The following PPP2R2D variants were observed in gnomAD, a reference collection of about 807,000 sequenced individuals.
PPP2R2D encodes protein phosphatase 2 regulatory subunit Bdelta.
A neutral mutation model predicts 31.1 loss-of-function variants in PPP2R2D; 9 were observed. The observed-to-expected ratio is 0.29, with a 90% confidence interval of 0.17 to 0.51. The LOEUF is 0.51. Among genes scored for constraint, PPP2R2D ranks in the 20% least tolerant of loss-of-function variants. The pLI is 0.98. For synonymous variants in PPP2R2D, 179 were observed against 172.6 expected (o/e 1.04, Z -0.29); for missense variants, 391 against 465.6 (o/e 0.84, Z 1.48).
chr10:131,960,983 T>C (rs2036913114), downstream of PPP2R2D, among the ~76,000 whole-genome samples: 1 of 151,918 alleles, frequency 6.6e-6, no homozygotes, highest in African/African-American at 2.4e-5. Context: ...GCATCTTCTG[T>C]GGCGAGCTGT....
chr10:131,946,037 C>T (rs1173413517), intron 7 of PPP2R2D: 1 of 151,938 alleles, frequency 6.6e-6, no homozygotes, highest in Non-Finnish European at 1.5e-5. Context: ...GCTGCCAGCA[C>T]TGAGTCCCGC....
At chr10:131,930,389 A>G (rs1363627519) in intron 2 of PPP2R2D, among the ~76,000 whole-genome samples, 6 of 152,226 alleles carry the variant, frequency 3.9e-5, no homozygotes, top group African/African-American at 1.4e-4. Context: ...ATTTTTTGGA[A>G]GTCAGATCTG....
chr10:131,952,170 GT>G (rs2036651405), intron 8 of PPP2R2D, among the ~76,000 whole-genome samples: 1 of 102,720 alleles, frequency 9.7e-6, no homozygotes, highest in Non-Finnish European at 1.9e-5. Flanking sequence ...TGACTTGCGG[GT>G]GTGCAGGGGG....
downstream of PPP2R2D, among the ~76,000 whole-genome samples, chr10:131,962,700 A>C (rs1554901634): frequency 2.0e-5 from 3 of 152,168 alleles, no homozygotes; most frequent in African/African-American, 7.2e-5. Context: ...CAGAACTGGC[A>C]GGGGCTGCCT....
At position 131,957,813 on chromosome 10, in the gene PPP2R2D, G is replaced by A. The variant is rs2036836727; in HGVS notation, c.*1850G>A. 6.2e-6 allele frequency: 1 copy of A among 161,552 alleles called. No individual in the cohort carries two copies. Among genetic ancestry groups the A allele is most frequent in the African/African-American group, 2.6e-5 (1 of 39,160 alleles). 10.0% of individuals were successfully genotyped at this position (161,552 alleles called of 1,614,324 possible). A position where few individuals can be genotyped will look rare whatever the true frequency, so the allele number is the denominator to read the frequency against. On this transcript the variant is annotated 3_prime_UTR_variant, in exon 9 of 9. Coordinates refer to ENST00000455566, the MANE Select transcript of PPP2R2D (RefSeq NM_018461.5). ...GTGTGCTGATCCCCATCCCCCTGTGGAGATGAAGGTGTGTGCTGATCCCCC... is the reference window on the plus strand; with the variant it reads ...GTGTGCTGATCCCCATCCCCCTGTGAAGATGAAGGTGTGTGCTGATCCCCC...
intron 8 of PPP2R2D, among the ~76,000 whole-genome samples, chr10:131,952,418 C>CGG (rs1191562116): frequency 4.0e-5 from 1 of 25,246 alleles, no homozygotes; most frequent in Non-Finnish European, 7.2e-5. Flanking sequence ...TGCGGGTGTG[C>CGG]GGGGGTTCAC....
the PPP2R2D span, among the ~76,000 whole-genome samples, chr10:131,965,737 C>A: frequency 1.3e-5 from 2 of 152,192 alleles, no homozygotes; most frequent in African/African-American, 4.8e-5. Context: ...TGAGCCACAG[C>A]GCCTGGCCGG....
In PPP2R2D at chr10:131,958,579, C is replaced by T. The variant is rs184788030; in HGVS notation, c.*2616C>T. The T allele has an allele frequency of 5.8e-4, 121 of 209,982 alleles. 1 individual carries two copies. Among genetic ancestry groups the T allele is most frequent in the African/African-American group, 2.6e-3 (102 of 39,224 alleles). 13.0% of individuals were successfully genotyped at this position (209,982 alleles called of 1,614,324 possible). On this transcript the variant is annotated 3_prime_UTR_variant, in exon 9 of 9. Transcript: ENST00000455566. Reference sequence around the variant, plus strand: ...TGAAGGGGTATGCTGATCCCCTGTCCCCCTGTGGGGATGAAGGTGTGTGCT... The same window carrying T: ...TGAAGGGGTATGCTGATCCCCTGTCTCCCTGTGGGGATGAAGGTGTGTGCT...
intron 2 of PPP2R2D, among the ~76,000 whole-genome samples, chr10:131,901,971 G>A (rs1379644775): frequency 2.0e-5 from 3 of 152,166 alleles, no homozygotes; most frequent in Non-Finnish European, 4.4e-5. Flanking sequence ...TGAACTTCAT[G>A]GTATTACTTG....
chr10:131,965,542 C>T, the PPP2R2D span, among the ~76,000 whole-genome samples: 7 of 152,190 alleles, frequency 4.6e-5, no homozygotes, highest in African/African-American at 1.2e-4. Flanking sequence ...CTCCACCTCC[C>T]GGGTTCAAGC....
chr10:131,953,969 C>T (rs1378277018), intron 8 of PPP2R2D, among the ~76,000 whole-genome samples: 2 of 152,190 alleles, frequency 1.3e-5, no homozygotes, highest in Non-Finnish European at 2.9e-5. Flanking sequence ...TACCTGGAAA[C>T]TTCTGTTGAG....
intron 2 of PPP2R2D, among the ~76,000 whole-genome samples, chr10:131,917,170 A>G (rs1456641234): frequency 0.02 from 2,044 of 103,700 alleles, no homozygotes; most frequent in East Asian, 0.044. Flanking sequence ...GGCGGGTGGA[A>G]TGACACAGCG....
Position 131,955,686 on chromosome 10 carries a change from C to A in PPP2R2D, c.1085C>A (p.Ala362Asp). The change falls in exon 9 of 9, where the codon GCC becomes GAC. Residue 362 changes from alanine to aspartate, a missense_variant and splice_region_variant. Coordinates refer to ENST00000455566, the MANE Select transcript of PPP2R2D (RefSeq NM_018461.5). The stretch of plus-strand genomic sequence containing the variant: ...CTGTCTGCTCTTGTTTTGAACAGCG[C>A]CATCATGACCGGGTCCTATAACAAC... ...FECCWNGSDS[A>D]IMTGSYNNFF... is the part of the protein sequence containing the mutation. 6.9e-7 allele frequency: 1 copy of A among 1,446,962 alleles called. No homozygotes were observed. The highest frequency in any genetic ancestry group is 1.6e-5 in the South Asian group (1 of 61,000). 89.6% of individuals were successfully genotyped at this position (1,446,962 alleles called of 1,614,324 possible). A position where few individuals can be genotyped will look rare whatever the true frequency, so the allele number is the denominator to read the frequency against.
At chr10:131,924,730 G>C (rs2036068419) in intron 2 of PPP2R2D, among the ~76,000 whole-genome samples, 1 of 149,498 alleles carries the variant, frequency 6.7e-6, no homozygotes, top group Admixed American at 6.7e-5. Context: ...TTTTCATAGG[G>C]TTAATACCTT....
At chr10:131,938,333 A>G (rs2036381296) in intron 3 of PPP2R2D, among the ~76,000 whole-genome samples, 1 of 152,254 alleles carries the variant, frequency 6.6e-6, no homozygotes, top group Admixed American at 6.5e-5. Context: ...ATAGAGCAAG[A>G]ATGAAAGTAC....
intron 2 of PPP2R2D, among the ~76,000 whole-genome samples, chr10:131,931,334 T>A (rs1366668289): frequency 6.6e-6 from 1 of 152,152 alleles, no homozygotes; most frequent in Non-Finnish European, 1.5e-5. Flanking sequence ...TCAGATTCCA[T>A]CCTTGTTTTT....
chr10:131,931,660 G>A (rs1210380315), intron 2 of PPP2R2D, among the ~76,000 whole-genome samples: 1 of 152,186 alleles, frequency 6.6e-6, no homozygotes, highest in Admixed American at 6.5e-5. Context: ...ACCCATCTTT[G>A]TTTTGGTGAC....
chr10:131,919,964 GTGTT>G lies in PPP2R2D; in HGVS notation c.101-14490_101-14487del, dbSNP rs566489001. On this transcript the variant is annotated intron_variant, in intron 2 of 8. Coordinates refer to ENST00000455566, the MANE Select transcript of PPP2R2D (RefSeq NM_018461.5). ...GACCTCACACGGGTGGAATGACACA[GTGTT>G]TGTAGGGTCCTCAGGCGGGTGGAAT... Among the ~76,000 whole-genome samples the G allele has an allele frequency of 1.3e-3, 198 of 149,706 alleles. 1 individual carries two copies. Among genetic ancestry groups the G allele is most frequent in the Middle Eastern group, 7.2e-3 (2 of 278 alleles).
chr10:131,923,619 G>T (rs561610472), intron 2 of PPP2R2D, among the ~76,000 whole-genome samples: 2 of 152,194 alleles, frequency 1.3e-5, no homozygotes, highest in South Asian at 4.2e-4. Context: ...TCTAATTTTA[G>T]CCATCCTAAT....
Sources: allele counts gnomAD v4.1 joint callset (sites outside exome capture counted in the v4.1 genomes callset), GRCh38; gene constraint gnomAD v4.1.1; transcripts MANE v1.5; gene names NCBI Gene and HGNC (gene_info 2026-07-23, HGNC 2026-07-21).